The following KCNQ1 variants were observed in gnomAD, a reference collection of about 807,000 sequenced individuals.
KCNQ1 encodes the protein potassium voltage-gated channel subfamily Q member 1, also known as potassium voltage-gated channel subfamily KQT member 1.
Under a neutral mutation model 72.4 loss-of-function variants are expected in KCNQ1, and 49 were observed. The observed-to-expected ratio is 0.68, with a 90% CI of 0.54 to 0.86. The LOEUF is 0.86. KCNQ1 is among the 40% of genes least tolerant of loss of function. KCNQ1 has a pLI of 0.00. For synonymous variants in KCNQ1, 450 were observed against 412.6 expected, an observed-to-expected ratio of 1.09 and a Z score of -1.10; for missense variants, 790 against 945.1, an observed-to-expected ratio of 0.84 and a Z score of 2.15.
chr11:2,676,917 A>G lies in KCNQ1; in HGVS notation c.1514+14836A>G, dbSNP rs1850304429. 2.5e-6 allele frequency: 1 copy of G among 398,628 alleles called. No individual in the cohort carries two copies. The highest frequency in any genetic ancestry group is 4.4e-6 in the Non-Finnish European group (1 of 226,064). The allele number at this position is 398,628 out of a possible 1,614,324, so 24.7% of individuals were successfully genotyped here. A position where few individuals can be genotyped will look rare whatever the true frequency, so the allele number is the denominator to read the frequency against. Reference sequence around the variant, plus strand: ...GCCCCAGTGTGCACCACTTAAAAGGAAGACACTGGTATGTTCTGGAGATGG... The same window carrying G: ...GCCCCAGTGTGCACCACTTAAAAGGGAGACACTGGTATGTTCTGGAGATGG... On this transcript the variant is annotated intron_variant, in intron 11 of 15. Coordinates refer to ENST00000155840, the MANE Select transcript of KCNQ1 (RefSeq NM_000218.3). This position sits in a 1 kb window ranked among gnomAD's most constrained non-coding sequence, Gnocchi z 4.2.
chr11:2,564,246 A>G lies in KCNQ1; in HGVS notation c.478-6382A>G, dbSNP rs552189033. ...TTTTCATCACCTCAAAAGGAAAACC[A>G]TCCCCATTGCCCTTCTCCTAGTTCC... On this transcript the variant is annotated intron_variant, in intron 2 of 15. Coordinates refer to ENST00000155840, the MANE Select transcript of KCNQ1 (RefSeq NM_000218.3). This position sits in a 1 kb window ranked among gnomAD's most constrained non-coding sequence, Gnocchi z 4.5. Among the ~76,000 whole-genome samples the G allele has an allele frequency of 2.8e-4, 43 of 152,314 alleles. No homozygotes were observed. Among genetic ancestry groups the G allele is most frequent in the South Asian group, 1.9e-3 (9 of 4,828 alleles).
chr11:2,470,437 G>A (rs944922014), intron 1 of KCNQ1, among the ~76,000 whole-genome samples: 2 of 152,132 alleles, frequency 1.3e-5, no homozygotes, highest in Non-Finnish European at 2.9e-5. Flanking sequence ...GAGGAAAGAG[G>A]GAGCATGGAA....
chr11:2,610,506 A>G (rs542890373), intron 10 of KCNQ1: 29 of 398,428 alleles, frequency 7.3e-5, no homozygotes, highest in East Asian at 4.6e-4. Flanking sequence ...TTACTCTAGA[A>G]CAGCTTTGCT....
At position 2,715,690 on chromosome 11, in the gene KCNQ1, G is replaced by C. The variant is rs564054965; in HGVS notation, c.1515-53154G>C. ...GGACCTCTTGGGGGAAGGGGAACCA[G>C]CAAAGGGGGTATGGGGAGCCCTCTG... is the stretch of plus-strand genomic sequence containing the variant. On this transcript the variant is annotated intron_variant, in intron 11 of 15. Coordinates refer to ENST00000155840, the MANE Select transcript of KCNQ1 (RefSeq NM_000218.3). The surrounding 1 kb of genome is among the most constrained non-coding windows in gnomAD (Gnocchi z 4.9). 6.6e-6 allele frequency among the ~76,000 whole-genome samples: 1 copy of C among 152,328 alleles called. No individual in the cohort carries two copies. The highest frequency in any genetic ancestry group is 1.9e-4 in the East Asian group (1 of 5,178).
At chr11:2,646,856 T>C (rs1205448706) in intron 10 of KCNQ1, 3 of 398,556 alleles carry the variant, frequency 7.5e-6, no homozygotes, top group African/African-American at 4.1e-5. Context: ...CCTGCAACTT[T>C]ATTGAATTCC....
intron 11 of KCNQ1, chr11:2,685,970 G>A (rs970195733): frequency 6.0e-5 from 24 of 398,746 alleles, no homozygotes; most frequent in African/African-American, 4.7e-4. Flanking sequence ...GATGAGGCCT[G>A]TACACTCTGG....
chr11:2,744,101 T>C (rs1308696959), intron 11 of KCNQ1, among the ~76,000 whole-genome samples: 1 of 152,248 alleles, frequency 6.6e-6, no homozygotes, highest in African/African-American at 2.4e-5. Flanking sequence ...ACCACCCTCT[T>C]GGCCGCATTC....
At chr11:2,546,420 A>G (rs1186520461) in intron 2 of KCNQ1, among the ~76,000 whole-genome samples, 2 of 151,246 alleles carry the variant, frequency 1.3e-5, no homozygotes, top group Admixed American at 1.3e-4. Context: ...TGTTGTTGGG[A>G]GGACTGTTCT....
intron 1 of KCNQ1, among the ~76,000 whole-genome samples, chr11:2,527,653 G>C (rs1847533268): frequency 6.6e-6 from 1 of 152,226 alleles, no homozygotes; most frequent in African/African-American, 2.4e-5. Context: ...TCAGCAGGTG[G>C]TCACCTGTCT....
At chr11:2,525,764 G>T (rs1361271240) in intron 1 of KCNQ1, among the ~76,000 whole-genome samples, 1 of 152,222 alleles carries the variant, frequency 6.6e-6, no homozygotes, top group Non-Finnish European at 1.5e-5. Context: ...TAACCTCAGG[G>T]AGCAGAGGAA....
At chr11:2,846,635 C>T (rs890872385) in intron 15 of KCNQ1, among the ~76,000 whole-genome samples, 1 of 152,244 alleles carries the variant, frequency 6.6e-6, no homozygotes, top group African/African-American at 2.4e-5. Context: ...CCACCCAGCA[C>T]CTGCTCTGAG....
At position 2,674,993 on chromosome 11, in the gene KCNQ1, T is replaced by A; in HGVS notation, c.1514+12912T>A. 1 of 398,550 alleles carries A rather than the reference T, an allele frequency of 2.5e-6. No individual in the cohort carries two copies. Among genetic ancestry groups the A allele is most frequent in the South Asian group, 1.3e-4 (1 of 7,852 alleles). 24.7% of individuals were successfully genotyped at this position (398,550 alleles called of 1,614,324 possible). A position where few individuals can be genotyped will look rare whatever the true frequency, so the allele number is the denominator to read the frequency against. Reference sequence around the variant, plus strand: ...CGTTTCCTCTTACAGTGGCGGGCACTCAGCCGGCTTCTTCCCGCCTGACTT... The same window carrying A: ...CGTTTCCTCTTACAGTGGCGGGCACACAGCCGGCTTCTTCCCGCCTGACTT... On this transcript the variant is annotated intron_variant, in intron 11 of 15. Transcript: ENST00000155840. This position sits in a 1 kb window ranked among gnomAD's most constrained non-coding sequence, Gnocchi z 5.9.
At position 2,818,230 on chromosome 11, in the gene KCNQ1, T is replaced by C. The variant is rs1469507608; in HGVS notation, c.1795-29537T>C. Among the ~76,000 whole-genome samples, 1 of 151,622 alleles carries C rather than the reference T, an allele frequency of 6.6e-6. No individual in the cohort carries two copies. Among genetic ancestry groups the C allele is most frequent in the Non-Finnish European group, 1.5e-5 (1 of 67,930 alleles). On this transcript the variant is annotated intron_variant, in intron 15 of 15. Coordinates refer to ENST00000155840, the MANE Select transcript of KCNQ1 (RefSeq NM_000218.3). This position sits in a 1 kb window ranked among gnomAD's most constrained non-coding sequence, Gnocchi z 7.2. ...CCCTCAGTGTCAGGTGACCCAAGAG[T>C]GTGGGGGTCAGGAATGGCGTCCTTG...
In KCNQ1 at chr11:2,772,412, C is replaced by T. The variant is rs1846618156; in HGVS notation, c.1590+3493C>T. Among the ~76,000 whole-genome samples, 1 of 152,084 alleles carries T rather than the reference C, an allele frequency of 6.6e-6. No homozygotes were observed. The highest frequency in any genetic ancestry group is 2.4e-5 in the African/African-American group (1 of 41,408). On this transcript the variant is annotated intron_variant, in intron 12 of 15. Transcript: ENST00000155840. This position sits in a 1 kb window ranked among gnomAD's most constrained non-coding sequence, Gnocchi z 6.6. ...CCACCATCAGTCAGTCTGGACAGGC[C>T]TGCATTATCTCGGCTCATCTCAGGC...
chr11:2,528,035 G>C lies in KCNQ1; in HGVS notation c.477+17G>C. On this transcript the variant is annotated intron_variant, in intron 2 of 15. Transcript: ENST00000155840. ...TTCTGGATGGTACGTAGCATCTGAG[G>C]GCATGGCTGGATGTCATGGCTGCCT... 1 of 1,598,258 alleles carries C rather than the reference G, an allele frequency of 6.3e-7. No individual in the cohort carries two copies. The highest frequency in any genetic ancestry group is 8.6e-7 in the Non-Finnish European group (1 of 1,166,996).
chr11:2,514,816 A>T (rs1847262907), intron 1 of KCNQ1, among the ~76,000 whole-genome samples: 1 of 152,102 alleles, frequency 6.6e-6, no homozygotes, highest in Non-Finnish European at 1.5e-5. Context: ...ACAGAGCCAG[A>T]CTCCGTCTCG....
chr11:2,613,475 C>G lies in KCNQ1; in HGVS notation c.1393+24621C>G, dbSNP rs1849013141. 1 of 398,450 alleles carries G rather than the reference C, an allele frequency of 2.5e-6. No homozygotes were observed. Among genetic ancestry groups the G allele is most frequent in the South Asian group, 1.3e-4 (1 of 7,852 alleles). The allele number at this position is 398,450 out of a possible 1,614,324, so 24.7% of individuals were successfully genotyped here. A position where few individuals can be genotyped will look rare whatever the true frequency, so the allele number is the denominator to read the frequency against. On this transcript the variant is annotated intron_variant, in intron 10 of 15. Coordinates refer to ENST00000155840, the MANE Select transcript of KCNQ1 (RefSeq NM_000218.3). The surrounding 1 kb of genome is among the most constrained non-coding windows in gnomAD (Gnocchi z 4.8). ...AAAATCAGATGAGCCTTCTTTGTTGCTGGTCCTCAAGCCTACCGTGCCCCT... is the reference window on the plus strand; with the variant it reads ...AAAATCAGATGAGCCTTCTTTGTTGGTGGTCCTCAAGCCTACCGTGCCCCT...
In KCNQ1 at chr11:2,579,808, C is replaced by T. The variant is rs1242641071; in HGVS notation, c.922-3627C>T. On this transcript the variant is annotated intron_variant, in intron 6 of 15. Coordinates refer to ENST00000155840, the MANE Select transcript of KCNQ1 (RefSeq NM_000218.3). The surrounding 1 kb of genome is among the most constrained non-coding windows in gnomAD (Gnocchi z 6.0). ...AGCAGGAGCCCACGTGCACCCAGCT[C>T]AGCCCCAGGAGGTGACACCCCCACC... is the stretch of plus-strand genomic sequence containing the variant. Among the ~76,000 whole-genome samples, 1 of 152,090 alleles carries T rather than the reference C, an allele frequency of 6.6e-6. No individual in the cohort carries two copies. Among genetic ancestry groups the T allele is most frequent in the Non-Finnish European group, 1.5e-5 (1 of 68,010 alleles).
At chr11:2,518,231 T>C (rs933349979) in intron 1 of KCNQ1, among the ~76,000 whole-genome samples, 3 of 152,218 alleles carry the variant, frequency 2.0e-5, no homozygotes, top group African/African-American at 7.2e-5. Context: ...TGGCGGTCCA[T>C]GAACTGGTGC....
Sources: gnomAD v4.1 joint callset for allele counts (sites outside exome capture counted in the v4.1 genomes callset) on GRCh38, gnomAD v4.1.1 for gene constraint, Gnocchi (gnomAD v3.1) non-coding constraint, MANE v1.5 for transcripts, NCBI Gene and HGNC (gene_info 2026-07-23, HGNC 2026-07-21) for gene names.